The following FAM13A variants were observed in gnomAD, a reference collection of about 807,000 sequenced individuals.
FAM13A encodes family with sequence similarity 13 member A, also known as protein FAM13A.
FAM13A carries 76 observed loss-of-function variants against 129.6 expected under a neutral mutation model. The observed-to-expected ratio is 0.59, with a 90% CI of 0.49 to 0.71. The LOEUF is 0.71. Among genes scored for constraint, FAM13A ranks in the 30% least tolerant of loss-of-function variants. The pLI, the probability that FAM13A is intolerant of heterozygous loss-of-function variation, is 0.00. For synonymous variants in FAM13A, 443 were observed against 449.9 expected (o/e 0.98, Z 0.20); for missense variants, 1,108 against 1,249.3 (o/e 0.89, Z 1.70).
chr4:88,858,827 G>A (rs548648757), intron 6 of FAM13A, among the ~76,000 whole-genome samples: 2 of 152,298 alleles, frequency 1.3e-5, no homozygotes, highest in African/African-American at 4.8e-5. Flanking sequence ...GCACAACTTT[G>A]TAAATACATG....
chr4:88,866,816 C>A (rs1403034857), intron 6 of FAM13A, among the ~76,000 whole-genome samples: 1 of 152,148 alleles, frequency 6.6e-6, no homozygotes, highest in Non-Finnish European at 1.5e-5. Context: ...TGGCGACATA[C>A]ACTCTTCCTG....
intron 7 of FAM13A, among the ~76,000 whole-genome samples, chr4:88,840,556 G>A (rs73845453): frequency 0.074 from 11,155 of 151,264 alleles, 555 homozygotes; most frequent in African/African-American, 0.14. Flanking sequence ...ATACATGTAC[G>A]TGACTCTAGA....
At chr4:88,927,392 G>C (rs1303254339) in intron 5 of FAM13A, among the ~76,000 whole-genome samples, 1 of 150,478 alleles carries the variant, frequency 6.6e-6, no homozygotes, top group Non-Finnish European at 1.5e-5. Flanking sequence ...TATAATCAAT[G>C]AACAGGGATA....
At chr4:88,817,384 G>A (rs1346606896) in intron 7 of FAM13A, among the ~76,000 whole-genome samples, 4 of 151,986 alleles carry the variant, frequency 2.6e-5, no homozygotes, top group Non-Finnish European at 5.9e-5. Context: ...CCAACATGGT[G>A]AAACCTCGTC....
chr4:88,778,757 C>T (rs560269871), intron 11 of FAM13A, among the ~76,000 whole-genome samples: 2 of 152,304 alleles, frequency 1.3e-5, no homozygotes, highest in East Asian at 3.9e-4. Flanking sequence ...AAGGAGGGGT[C>T]CTTACAATGA....
intron 14 of FAM13A, among the ~76,000 whole-genome samples, chr4:88,752,398 G>C (rs1742802931): frequency 6.6e-6 from 1 of 152,170 alleles, no homozygotes; most frequent in African/African-American, 2.4e-5. Flanking sequence ...ATATAATAGG[G>C]AGGATAAGCA....
chr4:89,041,086 T>C (rs1480279117), intron 1 of FAM13A, among the ~76,000 whole-genome samples: 4 of 152,196 alleles, frequency 2.6e-5, no homozygotes, highest in African/African-American at 9.7e-5. Context: ...AAAAGTGTTA[T>C]GAGTGTGAGT....
intron 1 of FAM13A, among the ~76,000 whole-genome samples, chr4:89,047,417 C>A (rs1771007124): frequency 1.3e-5 from 2 of 152,152 alleles, no homozygotes; most frequent in South Asian, 4.2e-4. Flanking sequence ...TATATAAACA[C>A]AAGTCAAGAC....
intron 3 of FAM13A, 91 bp downstream of exon 3, chr4:89,020,369 A>G (rs1202172042): frequency 3.4e-6 from 3 of 875,506 alleles, no homozygotes; most frequent in Non-Finnish European, 5.2e-6. Flanking sequence ...TTTCTACCTC[A>G]GCCTCCCAAA....
At chr4:88,763,681 C>A (rs1027259762) in intron 13 of FAM13A, among the ~76,000 whole-genome samples, 1 of 152,172 alleles carries the variant, frequency 6.6e-6, no homozygotes, top group Non-Finnish European at 1.5e-5. Context: ...CATTGCCCTG[C>A]ACAGGATATA....
At chr4:88,860,526 C>T (rs1387014705) in intron 6 of FAM13A, among the ~76,000 whole-genome samples, 1 of 152,160 alleles carries the variant, frequency 6.6e-6, no homozygotes, top group African/African-American at 2.4e-5. Flanking sequence ...GGAAGAAGCA[C>T]CTCCCACATT....
chr4:89,020,719 G>A (rs956035485), intron 2 of FAM13A, 50 bp from the exon 3 acceptor site: 3 of 1,182,948 alleles, frequency 2.5e-6, no homozygotes, highest in Non-Finnish European at 3.8e-6. Flanking sequence ...TCACAGACAT[G>A]AAACGTAAAG....
At chr4:88,865,511 A>G (rs1740228941) in intron 6 of FAM13A, among the ~76,000 whole-genome samples, 1 of 152,248 alleles carries the variant, frequency 6.6e-6, no homozygotes, top group Admixed American at 6.5e-5. Flanking sequence ...GTAAGTTCTG[A>G]GTTTTAGTGC....
intron 3 of FAM13A, 137 bp downstream of exon 3, chr4:89,020,323 C>T (rs1767092483): frequency 2.4e-6 from 1 of 412,098 alleles, no homozygotes; most frequent in Non-Finnish European, 4.1e-6. Context: ...TGCTTGGTTG[C>T]CCACGGTGGT....
chr4:88,948,732 A>C (rs1756389253), intron 4 of FAM13A, among the ~76,000 whole-genome samples: 1 of 152,104 alleles, frequency 6.6e-6, no homozygotes, highest in Admixed American at 6.5e-5. Flanking sequence ...CAGATGATCC[A>C]ACCACCTCGG....
intron 10 of FAM13A, among the ~76,000 whole-genome samples, chr4:88,783,238 G>A (rs183252131): frequency 6.8e-4 from 102 of 151,084 alleles, no homozygotes; most frequent in Non-Finnish European, 1.1e-3. Flanking sequence ...CTATGTTTTC[G>A]TATCCATTAA....
intron 3 of FAM13A, among the ~76,000 whole-genome samples, chr4:89,013,037 T>C (rs1038632054): frequency 6.6e-6 from 1 of 152,096 alleles, no homozygotes; most frequent in Admixed American, 6.5e-5. Context: ...GAGATGAGAA[T>C]ACTGTTTACT....
intron 1 of FAM13A, among the ~76,000 whole-genome samples, chr4:89,034,485 T>C (rs1426229732): frequency 2.0e-5 from 3 of 152,202 alleles, no homozygotes; most frequent in Admixed American, 2.0e-4. Context: ...AGAATGTAAA[T>C]TAGTTTATCC....
chr4:88,935,480 G>C (rs987451441), intron 5 of FAM13A, among the ~76,000 whole-genome samples: 2 of 151,918 alleles, frequency 1.3e-5, no homozygotes, highest in East Asian at 3.9e-4. Context: ...TGTTACTCTT[G>C]GGTCTTTATC....
Sources: allele counts gnomAD v4.1 joint callset (sites outside exome capture counted in the v4.1 genomes callset), GRCh38; gene constraint gnomAD v4.1.1; transcripts MANE v1.5; gene names NCBI Gene and HGNC (gene_info 2026-07-23, HGNC 2026-07-21).